Variants in GSE1 observed in about 807,000 individuals in gnomAD.
GSE1 encodes Gse1 coiled-coil protein, also known as genetic suppressor element 1.
GSE1 carries 32 observed loss-of-function variants against 112.6 expected under a neutral mutation model. That is an observed-to-expected ratio of 0.28 (90% confidence interval 0.21 to 0.38). The LOEUF (loss-of-function observed/expected upper bound fraction) is 0.38, where lower values mean the gene tolerates loss of function less well. Among genes scored for constraint, GSE1 ranks in the 10% least tolerant of loss-of-function variants. The pLI, the probability that GSE1 is intolerant of heterozygous loss-of-function variation, is 1.00. For synonymous variants in GSE1, 1,115 were observed against 735.6 expected, an observed-to-expected ratio of 1.52 and a Z score of -8.35; for missense variants, 2,348 against 1,699.2, an observed-to-expected ratio of 1.38 and a Z score of -6.71.
chr16:85,411,011 GA>G (rs1443600090), intron 2 of GSE1, among the ~76,000 whole-genome samples: 24 of 56,660 alleles, frequency 4.2e-4, no homozygotes, highest in African/African-American at 1.6e-3. Flanking sequence ...GTTACACTCA[GA>G]GCCCCCCTGG....
At chr16:85,396,205 G>C (rs1322695778) in intron 2 of GSE1, among the ~76,000 whole-genome samples, 2 of 152,206 alleles carry the variant, frequency 1.3e-5, no homozygotes, top group South Asian at 2.1e-4. Context: ...CTCCTCCCCA[G>C]TTCCCCAAGT....
At chr16:85,302,946 G>C (rs1273321128) in intron 1 of GSE1, among the ~76,000 whole-genome samples, 4 of 152,188 alleles carry the variant, frequency 2.6e-5, no homozygotes, top group African/African-American at 4.8e-5. Flanking sequence ...CTCGGGGTCC[G>C]GTTTCCCGGA....
intron 1 of GSE1, among the ~76,000 whole-genome samples, chr16:85,214,305 T>C (rs891506137): frequency 2.0e-5 from 3 of 151,980 alleles, no homozygotes; most frequent in Non-Finnish European, 4.4e-5. Flanking sequence ...GGAAATAGGG[T>C]CTTTGCCCAT....
intron 1 of GSE1, among the ~76,000 whole-genome samples, chr16:85,349,920 C>T (rs186683174): frequency 5.9e-5 from 9 of 152,212 alleles, no homozygotes; most frequent in African/African-American, 2.2e-4. Flanking sequence ...GGTGCAGAAC[C>T]AGGCTCTGCC....
chr16:85,230,886 G>A (rs1904277812), intron 1 of GSE1, among the ~76,000 whole-genome samples: 1 of 151,846 alleles, frequency 6.6e-6, no homozygotes. Context: ...CGGACAGAGG[G>A]ATGGGTGGAA....
chr16:85,292,888 C>G (rs1398933313), intron 1 of GSE1, among the ~76,000 whole-genome samples: 3 of 152,210 alleles, frequency 2.0e-5, no homozygotes, highest in Admixed American at 6.5e-5. Flanking sequence ...TAGACATTAC[C>G]TCTTGTGATG....
chr16:85,379,980 T>TGGC (rs2047510453), intron 2 of GSE1, among the ~76,000 whole-genome samples: 2 of 152,210 alleles, frequency 1.3e-5, no homozygotes, highest in Non-Finnish European at 1.5e-5. Flanking sequence ...CCAAGCATGG[T>TGGC]GGGCAAAGGG....
At chr16:85,342,368 A>C (rs36040571) in intron 1 of GSE1, among the ~76,000 whole-genome samples, 1 of 151,990 alleles carries the variant, frequency 6.6e-6, no homozygotes, top group Non-Finnish European at 1.5e-5. Flanking sequence ...GGGCTGGGGA[A>C]GAAATTAATA....
intron 1 of GSE1, among the ~76,000 whole-genome samples, chr16:85,562,967 C>T (rs1386030234): frequency 3.9e-5 from 6 of 152,230 alleles, no homozygotes; most frequent in East Asian, 1.9e-4. Context: ...TGGCCCTTAA[C>T]GTGGCCTTTC....
intron 2 of GSE1, among the ~76,000 whole-genome samples, chr16:85,438,310 C>T (rs920664144): frequency 3.3e-5 from 5 of 152,122 alleles, no homozygotes; most frequent in African/African-American, 1.2e-4. Context: ...GGTGTCTTTC[C>T]GGGTCTGTGC....
intron 2 of GSE1, among the ~76,000 whole-genome samples, chr16:85,429,910 C>T (rs574583300): frequency 1.3e-5 from 2 of 152,356 alleles, no homozygotes; most frequent in African/African-American, 2.4e-5. Context: ...GCTGAGCTGT[C>T]AGCTCCACCA....
chr16:85,180,414 A>G (rs1246482195), intron 1 of GSE1, among the ~76,000 whole-genome samples: 1 of 152,118 alleles, frequency 6.6e-6, no homozygotes, highest in Non-Finnish European at 1.5e-5. Context: ...ATTTGTTGGC[A>G]CAGAAAGGGT....
intron 1 of GSE1, among the ~76,000 whole-genome samples, chr16:85,213,925 T>A (rs1330667299): frequency 2.6e-5 from 4 of 152,082 alleles, no homozygotes; most frequent in Non-Finnish European, 4.4e-5. Context: ...GAGGCCTCAG[T>A]CCTCCCCGCA....
intron 2 of GSE1, among the ~76,000 whole-genome samples, chr16:85,639,392 C>G (rs1292846478): frequency 1.3e-5 from 2 of 152,226 alleles, no homozygotes; most frequent in African/African-American, 4.8e-5. Context: ...CCATAGGCAT[C>G]TGAAACCTCA....
intron 1 of GSE1, among the ~76,000 whole-genome samples, chr16:85,579,165 G>A (rs964743574): frequency 6.6e-6 from 1 of 152,196 alleles, no homozygotes; most frequent in African/African-American, 2.4e-5. Flanking sequence ...CTGGGCTTGG[G>A]GGAACCCGAG....
chr16:85,465,713 C>G (rs528947591), intron 2 of GSE1, among the ~76,000 whole-genome samples: 2 of 152,324 alleles, frequency 1.3e-5, no homozygotes, highest in African/African-American at 4.8e-5. Flanking sequence ...TGTTGTTTTT[C>G]TCAGTGGAAT....
chr16:85,384,506 G>T (rs1391107318), intron 2 of GSE1, among the ~76,000 whole-genome samples: 4 of 152,236 alleles, frequency 2.6e-5, no homozygotes, highest in African/African-American at 9.6e-5. Flanking sequence ...GGGTCCTGCA[G>T]TGTGTGCAGC....
At chr16:85,575,641 T>C (rs886748299) in intron 1 of GSE1, among the ~76,000 whole-genome samples, 2 of 152,182 alleles carry the variant, frequency 1.3e-5, no homozygotes, top group African/African-American at 2.4e-5. Flanking sequence ...AGGGTTTTTT[T>C]CCTCCCCCTT....
chr16:85,198,154 G>A (rs1241336072), intron 1 of GSE1, among the ~76,000 whole-genome samples: 18 of 152,176 alleles, frequency 1.2e-4, no homozygotes, highest in Admixed American at 1.2e-3. Flanking sequence ...AAGATCAGAA[G>A]CCCTGGCCAC....
Sources: allele counts gnomAD v4.1 joint callset (sites outside exome capture counted in the v4.1 genomes callset), GRCh38; gene constraint gnomAD v4.1.1; transcripts MANE v1.5; gene names NCBI Gene and HGNC (gene_info 2026-07-23, HGNC 2026-07-21).